LRIF1: variants seen among roughly 807,000 people sequenced by gnomAD.
LRIF1 encodes the protein ligand-dependent nuclear receptor-interacting factor 1.
A neutral mutation model predicts 52.7 loss-of-function variants in LRIF1; 32 were observed. The ratio of observed to expected loss-of-function variants is 0.61; its 90% CI spans 0.46 to 0.82. The LOEUF is 0.82. Among genes scored for constraint, LRIF1 ranks in the 40% least tolerant of loss-of-function variants. The pLI, the probability that LRIF1 is intolerant of heterozygous loss-of-function variation, is 0.00. For missense variants in LRIF1, 887 were observed against 892.0 expected, an observed-to-expected ratio of 0.99 and a Z score of 0.07; for synonymous variants, 323 against 317.4, an observed-to-expected ratio of 1.02 and a Z score of -0.19.
chr1:110,890,412 C>G, the LRIF1 span, among the ~76,000 whole-genome samples: 1 of 152,000 alleles, frequency 6.6e-6, no homozygotes, highest in Non-Finnish European at 1.5e-5. Flanking sequence ...ACTAAAAATA[C>G]AAAAATTATC....
the LRIF1 span, among the ~76,000 whole-genome samples, chr1:110,879,079 A>G: frequency 6.6e-6 from 1 of 152,146 alleles, no homozygotes; most frequent in Non-Finnish European, 1.5e-5. Flanking sequence ...TTTAAAACGT[A>G]TGAAACAAGC....
the LRIF1 span, chr1:110,940,136 C>T: frequency 1.3e-5 from 2 of 150,548 alleles, no homozygotes; most frequent in African/African-American, 4.9e-5. Flanking sequence ...AACAACTCAA[C>T]AGGAAAAAAA....
downstream of LRIF1, chr1:110,945,242 T>C (rs1229520764): frequency 6.6e-6 from 1 of 152,146 alleles, no homozygotes; most frequent in African/African-American, 2.4e-5. Flanking sequence ...TGATCAAAAA[T>C]ATATGTATGT....
the LRIF1 span, chr1:110,941,986 T>C: frequency 1.3e-3 from 192 of 152,224 alleles, no homozygotes; most frequent in African/African-American, 4.4e-3. Flanking sequence ...GGATACTCTT[T>C]TGTGCTTTGC....
chr1:110,880,944 C>A, the LRIF1 span, among the ~76,000 whole-genome samples: 11 of 152,026 alleles, frequency 7.2e-5, no homozygotes, highest in African/African-American at 2.4e-4. Context: ...AGTAACTAAC[C>A]AGAATAAGAG....
the LRIF1 span, among the ~76,000 whole-genome samples, chr1:110,903,605 C>T: frequency 2.0e-5 from 3 of 152,100 alleles, no homozygotes; most frequent in Non-Finnish European, 2.9e-5. Flanking sequence ...CCCCTAGGCT[C>T]TGAATAACCA....
the LRIF1 span, among the ~76,000 whole-genome samples, chr1:110,893,321 T>C: frequency 6.6e-6 from 1 of 152,212 alleles, no homozygotes; most frequent in Non-Finnish European, 1.5e-5. Context: ...TTTGTTTTTT[T>C]CTTCTTGTTG....
the LRIF1 span, among the ~76,000 whole-genome samples, chr1:110,894,055 C>G: frequency 6.6e-6 from 1 of 152,168 alleles, no homozygotes; most frequent in African/African-American, 2.4e-5. Flanking sequence ...ACTTATTCAA[C>G]AGGTGGTGGT....
At chr1:110,921,502 C>T in the LRIF1 span, among the ~76,000 whole-genome samples, 21,647 of 149,248 alleles carry the variant, frequency 0.15, 1,924 homozygotes, top group East Asian at 0.35. Context: ...CAAAATTTAA[C>T]TAATACAACA....
At chr1:110,886,293 T>C in the LRIF1 span, among the ~76,000 whole-genome samples, 3 of 152,206 alleles carry the variant, frequency 2.0e-5, no homozygotes, top group African/African-American at 7.2e-5. Context: ...TTTCTTTTTA[T>C]CACTGTTCCT....
At chr1:110,929,598 T>A in the LRIF1 span, among the ~76,000 whole-genome samples, 4 of 152,226 alleles carry the variant, frequency 2.6e-5, no homozygotes, top group Admixed American at 6.5e-5. Context: ...CTTTGTCTAC[T>A]TTTTAATGGG....
chr1:110,929,125 A>G, the LRIF1 span, among the ~76,000 whole-genome samples: 3 of 152,222 alleles, frequency 2.0e-5, no homozygotes, highest in Admixed American at 6.5e-5. Flanking sequence ...ATAGTATTCC[A>G]TGGTGTACAC....
Position 110,952,252 on chromosome 1 carries a change from G to T in LRIF1, c.632C>A (p.Ala211Glu), listed in dbSNP as rs369628997. The T allele has an allele frequency of 1.4e-5, 22 of 1,614,092 alleles. No individual in the cohort carries two copies. The highest frequency in any genetic ancestry group is 1.6e-4 in the Middle Eastern group (1 of 6,084). ...TCCTGAGGTACTGGTGGTGGCAGTT[G>T]CAAGTATCTTTTGCTGCACTGAAGG... ...LPPSVQQKIL[A>E]TATTSTSGMV... is the part of the protein sequence containing the mutation. The change falls in exon 2 of 4, where the codon GCA (alanine) becomes GAA (glutamate). Residue 211 changes from alanine to glutamate, a missense_variant. Physicochemically the swap from Ala to Glu is moderately radical, Grantham distance 107. Transcript: ENST00000369763.
At chr1:110,937,051 T>C in the LRIF1 span, 3 of 152,006 alleles carry the variant, frequency 2.0e-5, no homozygotes, top group Non-Finnish European at 4.4e-5. Flanking sequence ...ATTTTAAATA[T>C]GCATGCCTTG....
intron 1 of LRIF1, among the ~76,000 whole-genome samples, chr1:110,960,821 G>A (rs772542437): frequency 1.3e-5 from 2 of 152,130 alleles, no homozygotes; most frequent in African/African-American, 4.8e-5. Context: ...CAGGCCCTCA[G>A]AATTTCTGAA....
At chr1:110,897,803 T>G in the LRIF1 span, 2 of 1,578,296 alleles carry the variant, frequency 1.3e-6, no homozygotes, top group Non-Finnish European at 1.7e-6. Flanking sequence ...CTGAAATGTC[T>G]TCTAGGGTTG....
intron 1 of LRIF1, among the ~76,000 whole-genome samples, chr1:110,958,584 T>TA (rs1034819268): frequency 9.9e-5 from 15 of 152,016 alleles, no homozygotes; most frequent in East Asian, 3.9e-4. Context: ...TTCTGCTTTA[T>TA]AAAAAAAACT....
At chr1:110,946,996 T>TA (rs768505789), downstream of LRIF1, among the ~76,000 whole-genome samples, 8 of 150,022 alleles carry the variant, frequency 5.3e-5, no homozygotes, top group Non-Finnish European at 1.0e-4. Flanking sequence ...CCTCCTCCTT[T>TA]AAGAGACAGG....
chr1:110,940,973 G>A, the LRIF1 span: 1 of 152,156 alleles, frequency 6.6e-6, no homozygotes, highest in South Asian at 2.1e-4. Flanking sequence ...ATAACTAGAA[G>A]AGTGTAACTG....
Sources: allele counts gnomAD v4.1 joint callset (sites outside exome capture counted in the v4.1 genomes callset), GRCh38; gene constraint gnomAD v4.1.1; transcripts MANE v1.5; gene names NCBI Gene and HGNC (gene_info 2026-07-23, HGNC 2026-07-21).